TPM3: variants seen among roughly 807,000 people sequenced by gnomAD.
TPM3 encodes tropomyosin 3.
A neutral mutation model predicts 43.1 loss-of-function variants in TPM3; 16 were observed. The ratio of observed to expected loss-of-function variants is 0.37; its 90% CI spans 0.25 to 0.56. The LOEUF (loss-of-function observed/expected upper bound fraction) is 0.56. Ranked by LOEUF, TPM3 falls within the 20% of genes least tolerant of loss-of-function variation. The probability of loss-of-function intolerance (pLI) is 0.77; values close to 1 mark genes in which losing one functional copy is unlikely to be tolerated. For synonymous variants in TPM3, 101 were observed against 116.9 expected (o/e 0.86, Z 0.88); for missense variants, 176 against 337.2 (o/e 0.52, Z 3.74).
rs149945046 is a variant in TPM3 at position 154,176,409 on chromosome 1, TTATATA to T, written c.244-167_244-162del. Among the ~76,000 whole-genome samples, 1,078 of 151,846 alleles carry T rather than the reference TTATATA, an allele frequency of 7.1e-3. 7 individuals carry two copies. Among genetic ancestry groups the T allele is most frequent in the African/African-American group, 0.025 (1,032 of 41,432 alleles). On this transcript the variant is annotated intron_variant, in intron 2 of 9. Transcript: ENST00000651641. ...GTTAAAAGATCTAGCAGACATAACT[TTATATA>T]TATATATTTCCTCCCTTTCCCATCA...
chr1:154,191,433 C>G, intron 1 of TPM3, 122 bp from the exon 2 acceptor site: 1 of 1,528,488 alleles, frequency 6.5e-7, no homozygotes, highest in Non-Finnish European at 8.9e-7. Flanking sequence ...GACACACTTT[C>G]TCCCCAGCCA....
intron 2 of TPM3, among the ~76,000 whole-genome samples, chr1:154,180,494 T>G (rs917391099): frequency 6.6e-6 from 1 of 151,610 alleles, no homozygotes; most frequent in Non-Finnish European, 1.5e-5. Context: ...GGCTGGGGAG[T>G]AGAAGAAATG....
rs1023685238 is a variant in TPM3, at chr1:154,162,307, G to C, written c.*5630C>G. 6.9e-6 allele frequency among the ~76,000 whole-genome samples: 1 copy of C among 144,018 alleles called. No homozygotes were observed. Among genetic ancestry groups the C allele is most frequent in the Non-Finnish European group, 1.5e-5 (1 of 66,902 alleles). 94.5% of individuals were successfully genotyped at this position (144,018 alleles called of 152,430 possible). On this transcript the variant is annotated 3_prime_UTR_variant, in exon 10 of 10. Transcript: ENST00000651641. ...TTAAACCCAGGAGGCGGAGCTTGCA[G>C]TGAGCCAAGATCACACCACCGCACT...
At chr1:154,156,365 T>G (rs113769820), downstream of TPM3, 192 of 187,468 alleles carry the variant, frequency 1.0e-3, no homozygotes, top group African/African-American at 4.2e-3. Context: ...GTCTGAGGGT[T>G]GGAGGGACTG....
Position 154,179,972 on chromosome 1 carries a change from G to A in TPM3, c.244-3724C>T, listed in dbSNP as rs925289037. ...AAGGTGAACTGTACATTTATAAATG[G>A]TTAAAATGGTAAATTTTACATGTAT... On this transcript the variant is annotated intron_variant, in intron 2 of 9. Coordinates refer to ENST00000651641, the MANE Select transcript of TPM3 (RefSeq NM_152263.4). Among the ~76,000 whole-genome samples, 5 of 151,974 alleles carry A rather than the reference G, an allele frequency of 3.3e-5. No individual in the cohort carries two copies. The South Asian group carries it at 6.2e-4, about 19-fold the overall frequency.
rs186024108 is a variant in TPM3 at position 154,170,479 on chromosome 1, A to G, written c.706-10T>C. 8.1e-6 allele frequency: 13 copies of G among 1,614,138 alleles called. No individual in the cohort carries two copies. The African/African-American group carries it at 1.5e-4, about 18-fold the overall frequency. On this transcript the variant is annotated splice_polypyrimidine_tract_variant and intron_variant, in intron 7 of 9. Coordinates refer to ENST00000651641, the MANE Select transcript of TPM3 (RefSeq NM_152263.4). The stretch of plus-strand genomic sequence containing the variant: ...CAGCACGGGTCTCTGCCTGGGGGAA[A>G]TATGAAATTAGTCAGAACCAGAGAT...
At position 154,163,656 on chromosome 1, in the gene TPM3, C is replaced by CA. The variant is rs1389111705; in HGVS notation, c.*4280dup. On this transcript the variant is annotated 3_prime_UTR_variant, in exon 10 of 10. Transcript: ENST00000651641. ...CTCATTGTTTAATTTTTTTTTGAGACAGAGTCTTGCTCTGTCACCCAGGCT... is the reference window on the plus strand; with the variant it reads ...CTCATTGTTTAATTTTTTTTTGAGACAAGAGTCTTGCTCTGTCACCCAGGCT... 1.3e-5 allele frequency among the ~76,000 whole-genome samples: 2 copies of CA among 151,990 alleles called. No individual in the cohort carries two copies. The highest frequency in any genetic ancestry group is 1.9e-4 in the East Asian group (1 of 5,168).
intron 5 of TPM3, chr1:154,172,546 C>CCACA: frequency 2.1e-6 from 1 of 465,888 alleles, no homozygotes; most frequent in South Asian, 1.8e-5. Context: ...GTTTGAGCCA[C>CCACA]CACACCCAGC....
chr1:154,167,814 C>G lies in TPM3; in HGVS notation c.*123G>C. The G allele has an allele frequency of 6.3e-7, 1 of 1,593,568 alleles. No homozygotes were observed. The highest frequency in any genetic ancestry group is 2.2e-5 in the East Asian group (1 of 44,546). On this transcript the variant is annotated 3_prime_UTR_variant, in exon 10 of 10. Coordinates refer to ENST00000651641, the MANE Select transcript of TPM3 (RefSeq NM_152263.4). ...AAAATACATAAGTTGCTTTTTGCTC[C>G]CCCATCCTAATGCCTTGGGGACCAG... is the stretch of plus-strand genomic sequence containing the variant.
intron 5 of TPM3, chr1:154,171,888 G>T: frequency 1.1e-6 from 1 of 909,558 alleles, no homozygotes; most frequent in Non-Finnish European, 1.8e-6. Context: ...CCAAGTAAGT[G>T]GAAAAGAATG....
chr1:154,158,325 CT>C, downstream of TPM3, among the ~76,000 whole-genome samples: 1 of 152,324 alleles, frequency 6.6e-6, no homozygotes, highest in South Asian at 2.1e-4. Flanking sequence ...TTGAACAGAA[CT>C]AGCTTGTGAC....
intron 2 of TPM3, chr1:154,182,896 G>A: frequency 4.4e-6 from 7 of 1,593,990 alleles, no homozygotes; most frequent in East Asian, 2.2e-5. Flanking sequence ...CCGGCCTTCA[G>A]AGGACCGTGC....
At chr1:154,158,619 A>G (rs1370282037), downstream of TPM3, 2 of 378,960 alleles carry the variant, frequency 5.3e-6, no homozygotes, top group South Asian at 2.9e-5. Context: ...TTGTCAAGTC[A>G]GTCCTTTTAT....
downstream of TPM3, chr1:154,155,403 T>C (rs1252515727): frequency 9.5e-6 from 3 of 314,920 alleles, no homozygotes; most frequent in African/African-American, 2.1e-5. Flanking sequence ...AAAAAACTTT[T>C]TGCAATGATT....
downstream of TPM3, among the ~76,000 whole-genome samples, chr1:154,160,105 A>T (rs1660197939): frequency 6.6e-6 from 1 of 151,566 alleles, no homozygotes; most frequent in African/African-American, 2.4e-5. Flanking sequence ...TTCCATTTGA[A>T]GCACACTTTA....
chr1:154,175,119 C>G (rs966840202), intron 3 of TPM3, among the ~76,000 whole-genome samples: 2 of 152,006 alleles, frequency 1.3e-5, no homozygotes, highest in African/African-American at 4.8e-5. Flanking sequence ...ATCACAAAGG[C>G]AGGAGATCAA....
At chr1:154,168,005 GAAAAAGGAAGAGGAA>G (rs968984900) in intron 9 of TPM3, 65 bp from the exon 10 acceptor site, 37 of 1,609,880 alleles carry the variant, frequency 2.3e-5, no homozygotes, top group African/African-American at 5.3e-5. Flanking sequence ...AGCAAACTGG[GAAAAAGGAAGAGGAA>G]AAAAAGGAAG....
Position 154,176,260 on chromosome 1 carries a change from G to A in TPM3, c.244-12C>T. ...ACCTCAGCCTCAGCCTGCATTTGAA[G>A]GAAAGAATGGACAAGGGAAGCAGAG... is the stretch of plus-strand genomic sequence containing the variant. On this transcript the variant is annotated splice_polypyrimidine_tract_variant and intron_variant, in intron 2 of 9. Transcript: ENST00000651641. 3 of 1,614,040 alleles carry A rather than the reference G, an allele frequency of 1.9e-6. No individual in the cohort carries two copies. Among genetic ancestry groups the A allele is most frequent in the Non-Finnish European group, 2.5e-6 (3 of 1,179,994 alleles).
intron 3 of TPM3, among the ~76,000 whole-genome samples, chr1:154,174,649 C>T (rs530951157): frequency 6.6e-6 from 1 of 150,628 alleles, no homozygotes; most frequent in African/African-American, 2.4e-5. Flanking sequence ...CGCGCCCCAC[C>T]ACGCCTGGCT....
Sources: gnomAD v4.1 joint callset for allele counts (sites outside exome capture counted in the v4.1 genomes callset) on GRCh38, gnomAD v4.1.1 for gene constraint, MANE v1.5 for transcripts, NCBI Gene and HGNC (gene_info 2026-07-23, HGNC 2026-07-21) for gene names.